B4GALT1: variants seen among roughly 807,000 people sequenced by gnomAD.
The protein encoded by B4GALT1 is beta-1,4-galactosyltransferase 1, also known as N-acetyllactosamine synthase.
In B4GALT1, 16 loss-of-function variants were observed where a neutral mutation model predicts 34.9. The observed-to-expected ratio is 0.46, with a 90% CI of 0.31 to 0.70. B4GALT1 has a LOEUF of 0.70. B4GALT1 is among the 30% of genes least tolerant of loss of function. B4GALT1 has a pLI of 0.05. For synonymous variants in B4GALT1, 221 were observed against 218.1 expected, an observed-to-expected ratio of 1.01 and a Z score of -0.12; for missense variants, 445 against 530.5, an observed-to-expected ratio of 0.84 and a Z score of 1.58.
At chr9:33,108,349 A>G (rs1299541968), downstream of B4GALT1, among the ~76,000 whole-genome samples, 2 of 151,854 alleles carry the variant, frequency 1.3e-5, no homozygotes, top group Non-Finnish European at 2.9e-5. Context: ...GCAGTGGCTC[A>G]CACCTGCAAT....
At chr9:33,128,077 C>A (rs980457917) in intron 2 of B4GALT1, among the ~76,000 whole-genome samples, 4 of 151,982 alleles carry the variant, frequency 2.6e-5, no homozygotes, top group African/African-American at 9.7e-5. Context: ...GCAGTGGCAG[C>A]GGTAGTTAGG....
chr9:33,106,848 A>C (rs1587722960), downstream of B4GALT1, among the ~76,000 whole-genome samples: 2 of 152,294 alleles, frequency 1.3e-5, no homozygotes, highest in South Asian at 4.1e-4. Flanking sequence ...AGGGGAACCA[A>C]CTTGCCCAGC....
intron 2 of B4GALT1, among the ~76,000 whole-genome samples, chr9:33,123,348 T>A (rs1002429625): frequency 2.7e-5 from 4 of 150,876 alleles, no homozygotes; most frequent in Non-Finnish European, 4.4e-5. Context: ...GTTGTTGGAA[T>A]TATTATAATA....
At chr9:33,126,809 A>C (rs1017250130) in intron 2 of B4GALT1, among the ~76,000 whole-genome samples, 4 of 152,186 alleles carry the variant, frequency 2.6e-5, no homozygotes, top group African/African-American at 9.6e-5. Flanking sequence ...CTCAAGAGTG[A>C]GCATACCCTT....
At chr9:33,121,847 C>T (rs1250104381) in intron 2 of B4GALT1, among the ~76,000 whole-genome samples, 1 of 152,064 alleles carries the variant, frequency 6.6e-6, no homozygotes, top group Non-Finnish European at 1.5e-5. Context: ...TTCTGGGAAG[C>T]TCGACCAAAG....
intron 1 of B4GALT1, among the ~76,000 whole-genome samples, chr9:33,161,873 C>T (rs1840680060): frequency 6.6e-6 from 1 of 152,142 alleles, no homozygotes; most frequent in African/African-American, 2.4e-5. Flanking sequence ...AAACAGATAG[C>T]AGGGAAATCA....
chr9:33,150,528 T>C (rs1451174512), intron 1 of B4GALT1, among the ~76,000 whole-genome samples: 6 of 152,090 alleles, frequency 3.9e-5, no homozygotes, highest in Admixed American at 3.9e-4. Context: ...TGTGACATCC[T>C]CAAAAAGACA....
intron 1 of B4GALT1, among the ~76,000 whole-genome samples, chr9:33,135,905 G>GTGTA (rs1554686828): frequency 3.4e-3 from 289 of 85,966 alleles, no homozygotes; most frequent in South Asian, 0.026. Context: ...GTGTGTGTGT[G>GTGTA]TGTGTATGTG....
intron 2 of B4GALT1, among the ~76,000 whole-genome samples, chr9:33,127,499 T>A (rs1010239995): frequency 1.9e-4 from 29 of 152,226 alleles, no homozygotes; most frequent in African/African-American, 7.0e-4. Context: ...GTAAACCATA[T>A]CTGAACCCAT....
At chr9:33,138,842 T>C (rs1183593857) in intron 1 of B4GALT1, among the ~76,000 whole-genome samples, 2 of 152,076 alleles carry the variant, frequency 1.3e-5, no homozygotes, top group Non-Finnish European at 1.5e-5. Flanking sequence ...CCAGACCTGC[T>C]TCTCAGGATT....
the B4GALT1 span, among the ~76,000 whole-genome samples, chr9:33,173,982 G>A: frequency 1.3e-5 from 2 of 152,054 alleles, no homozygotes; most frequent in Admixed American, 1.3e-4. Flanking sequence ...TAAATAAATG[G>A]AATTTGATGA....
At chr9:33,107,450 CCTCA>C (rs1285402584), downstream of B4GALT1, among the ~76,000 whole-genome samples, 1 of 152,138 alleles carries the variant, frequency 6.6e-6, no homozygotes, top group Non-Finnish European at 1.5e-5. Flanking sequence ...ACACAGCTGG[CCTCA>C]GTCGAGAGCA....
intron 3 of B4GALT1, among the ~76,000 whole-genome samples, chr9:33,116,543 A>ATTTTTT (rs1564036408): frequency 2.8e-5 from 1 of 35,916 alleles, no homozygotes; most frequent in Non-Finnish European, 9.3e-5. Context: ...TTTTTTTTGA[A>ATTTTTT]GGAGTCTCGC....
downstream of B4GALT1, among the ~76,000 whole-genome samples, chr9:33,105,868 A>G (rs1033358783): frequency 1.4e-5 from 2 of 139,220 alleles, no homozygotes; most frequent in Non-Finnish European, 3.1e-5. Context: ...TTATCCATCA[A>G]TGGACTCGTG....
At chr9:33,154,763 C>T (rs1057000213) in intron 1 of B4GALT1, among the ~76,000 whole-genome samples, 1 of 152,150 alleles carries the variant, frequency 6.6e-6, no homozygotes, top group African/African-American at 2.4e-5. Flanking sequence ...AACCGATGGC[C>T]CATGGGCCAC....
chr9:33,166,618 G>C (rs1432945872), intron 1 of B4GALT1, 140 bp downstream of exon 1: 19 of 1,091,436 alleles, frequency 1.7e-5, no homozygotes, highest in Non-Finnish European at 2.4e-5. Flanking sequence ...CCAAGCCTCT[G>C]TCTGGGATTT....
intron 2 of B4GALT1, among the ~76,000 whole-genome samples, chr9:33,132,294 G>A (rs1236442753): frequency 1.3e-5 from 2 of 152,160 alleles, no homozygotes; most frequent in Non-Finnish European, 2.9e-5. Context: ...CAGCTGGGAG[G>A]AGATGCTAAC....
intron 1 of B4GALT1, among the ~76,000 whole-genome samples, chr9:33,144,285 G>A (rs547157285): frequency 6.6e-6 from 1 of 152,136 alleles, no homozygotes; most frequent in South Asian, 2.1e-4. Flanking sequence ...CCAGGCTGGA[G>A]TGCAGTGGTG....
At chr9:33,174,799 A>G in the B4GALT1 span, among the ~76,000 whole-genome samples, 2 of 146,192 alleles carry the variant, frequency 1.4e-5, no homozygotes, top group Admixed American at 1.4e-4. Context: ...TCTAGTAAAA[A>G]TACAAAAATT....
Sources: gnomAD v4.1 joint callset for allele counts (sites outside exome capture counted in the v4.1 genomes callset) on GRCh38, gnomAD v4.1.1 for gene constraint, MANE v1.5 for transcripts, NCBI Gene and HGNC (gene_info 2026-07-23, HGNC 2026-07-21) for gene names.